The following PTPRN2 variants were observed in gnomAD, a reference collection of about 807,000 sequenced individuals.
PTPRN2 encodes the protein protein tyrosine phosphatase receptor type N2.
PTPRN2 carries 74 observed loss-of-function variants against 118.8 expected under a neutral mutation model. The ratio of observed to expected loss-of-function variants is 0.62; its 90% CI spans 0.52 to 0.76. The LOEUF (loss-of-function observed/expected upper bound fraction) is 0.76, where lower values mean the gene tolerates loss of function less well. PTPRN2 is among the 30% of genes least tolerant of loss of function. The pLI, the probability that PTPRN2 is intolerant of heterozygous loss-of-function variation, is 0.00. For missense variants in PTPRN2, 1,481 were observed against 1,394.4 expected (o/e 1.06, Z -0.99); for synonymous variants, 641 against 608.0 (o/e 1.05, Z -0.80).
At chr7:158,262,770 AT>A in intron 3 of PTPRN2, among the ~76,000 whole-genome samples, 1 of 142,184 alleles carries the variant, frequency 7.0e-6, no homozygotes, top group East Asian at 2.1e-4. Context: ...GCACACACAC[AT>A]TCACACACAC....
intron 11 of PTPRN2, among the ~76,000 whole-genome samples, chr7:158,080,128 G>A (rs548704175): frequency 1.0e-3 from 155 of 151,802 alleles, no homozygotes; most frequent in Non-Finnish European, 1.9e-3. Flanking sequence ...CCAGCAATTC[G>A]CTCCATCCCT....
intron 2 of PTPRN2, among the ~76,000 whole-genome samples, chr7:158,365,020 ACATT>A (rs1809323845): frequency 6.6e-6 from 1 of 152,148 alleles, no homozygotes; most frequent in Admixed American, 6.5e-5. Flanking sequence ...ACACATACAT[ACATT>A]CATACAGACA....
intron 2 of PTPRN2, among the ~76,000 whole-genome samples, chr7:158,334,750 G>A (rs62480930): frequency 0.11 from 599 of 5,436 alleles, 191 homozygotes; most frequent in Middle Eastern, 0.5. Context: ...AAGAGGTGAC[G>A]CCCGCAGACA....
intron 5 of PTPRN2, among the ~76,000 whole-genome samples, chr7:158,168,658 T>A (rs943180985): frequency 3.3e-5 from 5 of 152,226 alleles, no homozygotes; most frequent in Non-Finnish European, 5.9e-5. Context: ...GGTCTCTTGT[T>A]CGATAATTAC....
At chr7:158,345,129 C>G (rs1163359640) in intron 2 of PTPRN2, among the ~76,000 whole-genome samples, 1 of 152,162 alleles carries the variant, frequency 6.6e-6, no homozygotes, top group Non-Finnish European at 1.5e-5. Flanking sequence ...TGGCAGGACC[C>G]CCACAGTCCA....
At chr7:158,396,771 G>T (rs1411494681) in intron 2 of PTPRN2, among the ~76,000 whole-genome samples, 1 of 152,246 alleles carries the variant, frequency 6.6e-6, no homozygotes, top group Non-Finnish European at 1.5e-5. Context: ...CACACCAGCG[G>T]TGACCCGCCT....
chr7:158,464,920 CATT>C (rs1819285485), intron 2 of PTPRN2, among the ~76,000 whole-genome samples: 1 of 152,252 alleles, frequency 6.6e-6, no homozygotes, highest in Non-Finnish European at 1.5e-5. Context: ...CCCTTATGCT[CATT>C]ATCATTGACC....
rs931669660 is a variant in PTPRN2 at position 157,598,221 on chromosome 7, C to A, written c.2419-2906G>T. On this transcript the variant is annotated intron_variant, in intron 16 of 22. Coordinates refer to ENST00000389418, the MANE Select transcript of PTPRN2 (RefSeq NM_002847.5). The surrounding 1 kb of genome is among the most constrained non-coding windows in gnomAD (Gnocchi z 5.2). ...TTCCCCACCCAGCGATCACACGGCACCTACTCTGGCTTCCTCCGGTCTTCA... is the reference window on the plus strand; with the variant it reads ...TTCCCCACCCAGCGATCACACGGCAACTACTCTGGCTTCCTCCGGTCTTCA... Among the ~76,000 whole-genome samples the A allele has an allele frequency of 2.0e-5, 3 of 152,232 alleles. No individual in the cohort carries two copies. The highest frequency in any genetic ancestry group is 4.4e-5 in the Non-Finnish European group (3 of 68,036).
Position 158,442,229 on chromosome 7 carries a change from T to C in PTPRN2, c.163+47506A>G, listed in dbSNP as rs186702026. 2.0e-5 allele frequency among the ~76,000 whole-genome samples: 3 copies of C among 152,072 alleles called. No homozygotes were observed. In the East Asian group the frequency reaches 5.8e-4, roughly 29 times the overall value. Reference sequence around the variant, plus strand: ...AGTGGTGATGGTGGCAGCAAGGAAATCATTCTCTGATTACCTGACATGGTT... The same window carrying C: ...AGTGGTGATGGTGGCAGCAAGGAAACCATTCTCTGATTACCTGACATGGTT... On this transcript the variant is annotated intron_variant, in intron 2 of 22. Coordinates refer to ENST00000389418, the MANE Select transcript of PTPRN2 (RefSeq NM_002847.5).
At chr7:157,735,106 G>A (rs1008347884) in intron 12 of PTPRN2, among the ~76,000 whole-genome samples, 2 of 152,300 alleles carry the variant, frequency 1.3e-5, no homozygotes, top group South Asian at 2.1e-4. Context: ...GCTGGGGAGC[G>A]CCGTGTGCTC....
intron 14 of PTPRN2, among the ~76,000 whole-genome samples, chr7:157,641,237 A>T (rs1417867840): frequency 6.6e-6 from 1 of 152,198 alleles, no homozygotes; most frequent in Non-Finnish European, 1.5e-5. Flanking sequence ...CTGCTGAACT[A>T]GCCAAGGGGG....
rs189641090 is a variant in PTPRN2, at chr7:158,100,364, C to T, written c.1643+10465G>A. The stretch of plus-strand genomic sequence containing the variant: ...CAATTGCAAATTGTGCTGCTATAAA[C>T]GTGTGTGCAAATATCTTTCTCGTAT... On this transcript the variant is annotated intron_variant, in intron 10 of 22. Coordinates refer to ENST00000389418, the MANE Select transcript of PTPRN2 (RefSeq NM_002847.5). 2.5e-4 allele frequency among the ~76,000 whole-genome samples: 38 copies of T among 151,884 alleles called. 1 individual carries two copies. Among genetic ancestry groups the T allele is most frequent in the Admixed American group, 3.9e-4 (6 of 15,258 alleles).
chr7:157,751,176 G>C (rs549324533), intron 12 of PTPRN2, among the ~76,000 whole-genome samples: 2 of 152,158 alleles, frequency 1.3e-5, no homozygotes, highest in African/African-American at 4.8e-5. Context: ...TTTCTTTCTC[G>C]GTTATAAATT....
chr7:158,308,936 AGAAAATTT>A (rs1171662362), intron 3 of PTPRN2, among the ~76,000 whole-genome samples: 1 of 152,200 alleles, frequency 6.6e-6, no homozygotes, highest in Non-Finnish European at 1.5e-5. Context: ...AAGAAGAAAT[AGAAAATTT>A]GAATATGCCT....
chr7:157,702,018 G>A (rs1363169260), intron 12 of PTPRN2, among the ~76,000 whole-genome samples: 1 of 151,230 alleles, frequency 6.6e-6, no homozygotes, highest in Non-Finnish European at 1.5e-5. Flanking sequence ...TAACTGACGC[G>A]GGCTGTGCAT....
At chr7:158,055,014 G>A (rs548532729) in intron 11 of PTPRN2, among the ~76,000 whole-genome samples, 38 of 152,216 alleles carry the variant, frequency 2.5e-4, no homozygotes, top group African/African-American at 3.6e-4. Flanking sequence ...CCCAGGTGCC[G>A]AGGCAAGAGA....
chr7:158,333,727 C>A (rs1449935098), intron 2 of PTPRN2, among the ~76,000 whole-genome samples: 2 of 149,632 alleles, frequency 1.3e-5, no homozygotes, highest in African/African-American at 5.0e-5. Flanking sequence ...CCACAGAGGT[C>A]ACTCACACAC....
At chr7:157,976,625 C>T (rs774449227) in intron 11 of PTPRN2, among the ~76,000 whole-genome samples, 8 of 151,880 alleles carry the variant, frequency 5.3e-5, no homozygotes, top group Admixed American at 2.0e-4. Context: ...CCTCCAAGAT[C>T]GCAAACTGGT....
intron 1 of PTPRN2, among the ~76,000 whole-genome samples, chr7:158,566,165 C>T (rs530825422): frequency 6.6e-6 from 1 of 152,172 alleles, no homozygotes; most frequent in African/African-American, 2.4e-5. Flanking sequence ...CCAGCCTCAC[C>T]AACATGGTGA....
Sources: allele counts gnomAD v4.1 joint callset (sites outside exome capture counted in the v4.1 genomes callset), GRCh38; gene constraint gnomAD v4.1.1; non-coding constraint Gnocchi (gnomAD v3.1); transcripts MANE v1.5; gene names NCBI Gene and HGNC (gene_info 2026-07-23, HGNC 2026-07-21).